Variants in CATSPERE observed in about 807,000 individuals in gnomAD.
The protein encoded by CATSPERE is catsper channel auxiliary subunit epsilon, also known as cation channel sperm-associated auxiliary subunit epsilon.
In CATSPERE, 93 loss-of-function variants were observed where a neutral mutation model predicts 114.1. The observed-to-expected ratio is 0.81, with a 90% CI of 0.69 to 0.97. CATSPERE has a LOEUF of 0.97. CATSPERE is among the 50% of genes least tolerant of loss of function. The pLI, the probability that CATSPERE is intolerant of heterozygous loss-of-function variation, is 0.00. For synonymous variants in CATSPERE, 341 were observed against 384.1 expected, an observed-to-expected ratio of 0.89 and a Z score of 1.31; for missense variants, 1,058 against 1,131.6, an observed-to-expected ratio of 0.93 and a Z score of 0.93.
At chr1:244,533,695 T>C (rs11484988) in intron 8 of CATSPERE, among the ~76,000 whole-genome samples, 18,502 of 152,184 alleles carry the variant, frequency 0.12, 1,888 homozygotes, top group African/African-American at 0.28. Flanking sequence ...TTGTTGTTCC[T>C]ATTTACATCT....
In CATSPERE at chr1:244,528,793, A is replaced by ACG. The variant is rs1558436461; in HGVS notation, c.536+10096_536+10097insGC. On this transcript the variant is annotated intron_variant, in intron 8 of 21. Coordinates refer to ENST00000366534, the MANE Select transcript of CATSPERE (RefSeq NM_001130957.2). ...CCCACAACAATCCCCCACCACACAC[A>ACG]CACACACACACACACACACACACAC... Among the ~76,000 whole-genome samples, 157 of 130,674 alleles carry ACG rather than the reference A, an allele frequency of 1.2e-3. 1 individual carries two copies. Among genetic ancestry groups the ACG allele is most frequent in the African/African-American group, 4.7e-3 (147 of 31,288 alleles). 85.7% of individuals were successfully genotyped at this position (130,674 alleles called of 152,430 possible).
intron 6 of CATSPERE, among the ~76,000 whole-genome samples, chr1:244,496,461 G>C (rs754071191): frequency 3.9e-5 from 6 of 152,148 alleles, no homozygotes; most frequent in Non-Finnish European, 8.8e-5. Flanking sequence ...TTGAACTTTT[G>C]ACTCATGTGT....
In CATSPERE at chr1:244,635,425, T is replaced by C. The variant is rs77817019; in HGVS notation, c.2649-64T>C. The C allele has an allele frequency of 2.7e-3, 3,189 of 1,197,902 alleles. 52 individuals are homozygous for C. The African/African-American group carries it at 0.04, about 15-fold the overall frequency. The allele number at this position is 1,197,902 out of a possible 1,614,324, so 74.2% of individuals were successfully genotyped here. On this transcript the variant is annotated intron_variant, in intron 20 of 21. Transcript: ENST00000366534. ...TGGTTTGATTGTTACCATAGGGACATGGAGAGCGTTTTAAAATATATTGTA... is the reference window on the plus strand; with the variant it reads ...TGGTTTGATTGTTACCATAGGGACACGGAGAGCGTTTTAAAATATATTGTA...
intron 20 of CATSPERE, 137 bp from the exon 21 acceptor site, chr1:244,635,352 C>G: frequency 1.7e-6 from 1 of 598,820 alleles, no homozygotes. Flanking sequence ...ATAAATGTAT[C>G]CATTCTGTCC....
chr1:244,499,696 G>A (rs1225368859), intron 7 of CATSPERE, among the ~76,000 whole-genome samples: 1 of 152,104 alleles, frequency 6.6e-6, no homozygotes, highest in South Asian at 2.1e-4. Flanking sequence ...TGACTGCATA[G>A]TATTCCATGG....
rs1672150210 is a variant in CATSPERE, at chr1:244,621,115, T to TATATATAAATATATATAA, written c.2648+3430_2648+3431insTATATAAATATATATAAA. Reference sequence around the variant, plus strand: ...TATAAAATATATATAAATATATATATAATATATATATAAATATATATAAAA... The same window carrying TATATATAAATATATATAA: ...TATAAAATATATATAAATATATATATATATATAAATATATATAAAATATATATATAAATATATATAAAA... On this transcript the variant is annotated intron_variant, in intron 20 of 21. Transcript: ENST00000366534. Among the ~76,000 whole-genome samples, 4 of 61,420 alleles carry TATATATAAATATATATAA rather than the reference T, an allele frequency of 6.5e-5. 2 individuals are homozygous for TATATATAAATATATATAA. In the South Asian group the frequency reaches 1.8e-3, roughly 28 times the overall value. The allele number at this position is 61,420 out of a possible 152,430, so 40.3% of individuals were successfully genotyped here. A position where few individuals can be genotyped will look rare whatever the true frequency, so the allele number is the denominator to read the frequency against.
chr1:244,517,303 T>G (rs1676801606), intron 7 of CATSPERE, among the ~76,000 whole-genome samples: 1 of 152,038 alleles, frequency 6.6e-6, no homozygotes. Context: ...ATTTATTATA[T>G]TTTACTTCCA....
At chr1:244,477,020 A>C (rs1254657093) in intron 2 of CATSPERE, among the ~76,000 whole-genome samples, 1 of 151,810 alleles carries the variant, frequency 6.6e-6, no homozygotes, top group Non-Finnish European at 1.5e-5. Context: ...TTTGAGATGG[A>C]GTTTCGCTCT....
At chr1:244,469,536 A>G (rs1287280212) in intron 2 of CATSPERE, among the ~76,000 whole-genome samples, 1 of 152,200 alleles carries the variant, frequency 6.6e-6, no homozygotes, top group Non-Finnish European at 1.5e-5. Context: ...CCAGGGCAAT[A>G]ATGCAAGAAA....
At chr1:244,486,556 G>A (rs1671069671) in intron 5 of CATSPERE, among the ~76,000 whole-genome samples, 4 of 136,396 alleles carry the variant, frequency 2.9e-5, no homozygotes, top group Admixed American at 1.4e-4. Flanking sequence ...TGGAGTACTC[G>A]TGGGCCAGGT....
intron 7 of CATSPERE, among the ~76,000 whole-genome samples, chr1:244,500,056 T>C (rs1572423872): frequency 6.6e-6 from 1 of 152,356 alleles, no homozygotes. Flanking sequence ...TGCAAGATAG[T>C]ATCTCATTAT....
At chr1:244,609,963 C>A (rs1452306552) in intron 18 of CATSPERE, among the ~76,000 whole-genome samples, 1 of 152,208 alleles carries the variant, frequency 6.6e-6, no homozygotes, top group Non-Finnish European at 1.5e-5. Context: ...AGGAGGATCA[C>A]TTGAGCCCAG....
chr1:244,486,162 C>A (rs1670981544), intron 5 of CATSPERE, among the ~76,000 whole-genome samples: 1 of 152,220 alleles, frequency 6.6e-6, no homozygotes, highest in Admixed American at 6.5e-5. Flanking sequence ...TTAAAGATAT[C>A]AAATATAAAG....
At chr1:244,583,704 A>G (rs1666584169) in intron 12 of CATSPERE, among the ~76,000 whole-genome samples, 160 bp from the exon 13 acceptor site, 1 of 152,240 alleles carries the variant, frequency 6.6e-6, no homozygotes, top group South Asian at 2.1e-4. Context: ...TAGCAGAAGC[A>G]GAGAGCTGTT....
intron 8 of CATSPERE, among the ~76,000 whole-genome samples, chr1:244,521,560 C>G (rs984297055): frequency 2.6e-5 from 4 of 151,964 alleles, no homozygotes; most frequent in Non-Finnish European, 5.9e-5. Flanking sequence ...TTTTTACTTC[C>G]TGCTTTCCTC....
intron 20 of CATSPERE, among the ~76,000 whole-genome samples, chr1:244,625,602 T>C (rs1673086434): frequency 6.9e-6 from 1 of 145,082 alleles, no homozygotes; most frequent in Admixed American, 6.8e-5. Context: ...CTAATTTTTG[T>C]ATTTTTAGTA....
chr1:244,523,302 A>T (rs1462204911), intron 8 of CATSPERE, among the ~76,000 whole-genome samples: 1 of 146,460 alleles, frequency 6.8e-6, no homozygotes, highest in South Asian at 2.1e-4. Flanking sequence ...CATGCTAAAA[A>T]CTCTCAGTAA....
At chr1:244,584,860 A>G (rs1666804487) in intron 13 of CATSPERE, among the ~76,000 whole-genome samples, 1 of 152,124 alleles carries the variant, frequency 6.6e-6, no homozygotes, top group Non-Finnish European at 1.5e-5. Flanking sequence ...CTGCTTCCCC[A>G]GGAAATCGCC....
At chr1:244,498,913 TA>T in intron 6 of CATSPERE, 88 bp from the exon 7 acceptor site, 2 of 986,520 alleles carry the variant, frequency 2.0e-6, no homozygotes, top group Non-Finnish European at 3.1e-6. Context: ...AATAAAAAAA[TA>T]AAAACATGTT....
Sources: allele counts gnomAD v4.1 joint callset (sites outside exome capture counted in the v4.1 genomes callset), GRCh38; gene constraint gnomAD v4.1.1; transcripts MANE v1.5; gene names NCBI Gene and HGNC (gene_info 2026-07-23, HGNC 2026-07-21).